The following REXO1 variants were observed in gnomAD, a reference collection of about 807,000 sequenced individuals.
The protein encoded by REXO1 is RNA exonuclease 1 homolog, also known as REX1, RNA exonuclease 1 homolog.
Under a neutral mutation model 102.6 loss-of-function variants are expected in REXO1, and 42 were observed. The observed-to-expected ratio is 0.41, with a 90% confidence interval of 0.32 to 0.53. The LOEUF (loss-of-function observed/expected upper bound fraction) is 0.53, where lower values mean the gene tolerates loss of function less well. Ranked by LOEUF, REXO1 falls within the 20% of genes least tolerant of loss-of-function variation. The pLI is 0.27. For synonymous variants in REXO1, 908 were observed against 779.1 expected (o/e 1.17, Z -2.76); for missense variants, 1,819 against 1,732.5 (o/e 1.05, Z -0.89).
At chr19:1,819,439 A>G (rs2069468308) in intron 7 of REXO1, among the ~76,000 whole-genome samples, 1 of 150,356 alleles carries the variant, frequency 6.7e-6, no homozygotes, top group South Asian at 2.1e-4. Context: ...CGGGGGATCT[A>G]ATGGCTTTCG....
In REXO1 at chr19:1,815,704, C is replaced by T. The variant is rs1170325064; in HGVS notation, c.*362G>A. On this transcript the variant is annotated 3_prime_UTR_variant, in exon 16 of 16. Coordinates refer to ENST00000170168, the MANE Select transcript of REXO1 (RefSeq NM_020695.4). The surrounding 1 kb of genome is among the most constrained non-coding windows in gnomAD (Gnocchi z 4.0). ...CTCAAACAAACCTGGGACAAGCCCG[C>T]CCCGCGACCCACGTGAGGAGCAGAG... The T allele has an allele frequency of 1.5e-6, 2 of 1,359,394 alleles. No homozygotes were observed. Among genetic ancestry groups the T allele is most frequent in the South Asian group, 1.5e-5 (1 of 65,588 alleles). 84.2% of individuals were successfully genotyped at this position (1,359,394 alleles called of 1,614,324 possible). A position where few individuals can be genotyped will look rare whatever the true frequency, so the allele number is the denominator to read the frequency against.
intron 1 of REXO1, among the ~76,000 whole-genome samples, chr19:1,836,819 G>A (rs2070053779): frequency 1.3e-5 from 2 of 151,952 alleles, no homozygotes; most frequent in Non-Finnish European, 2.9e-5. Flanking sequence ...GGGCCCGCAG[G>A]GCTCTCAACG....
At position 1,815,862 on chromosome 19, in the gene REXO1, G is replaced by A; in HGVS notation, c.*204C>T. 1 of 1,523,968 alleles carries A rather than the reference G, an allele frequency of 6.6e-7. No individual in the cohort carries two copies. Among genetic ancestry groups the A allele is most frequent in the East Asian group, 2.5e-5 (1 of 40,630 alleles). The allele number at this position is 1,523,968 out of a possible 1,614,324, so 94.4% of individuals were successfully genotyped here. On this transcript the variant is annotated 3_prime_UTR_variant, in exon 16 of 16. Coordinates refer to ENST00000170168, the MANE Select transcript of REXO1 (RefSeq NM_020695.4). This position sits in a 1 kb window ranked among gnomAD's most constrained non-coding sequence, Gnocchi z 4.0. ...GACGCCAGAGGGCTGGGGGGCAGAG[G>A]GTGGGGACCGGCGGAGGGGTGCGGC...
At chr19:1,848,129 G>A (rs1283298939) in intron 1 of REXO1, 73 bp downstream of exon 1, 4 of 767,578 alleles carry the variant, frequency 5.2e-6, no homozygotes, top group East Asian at 3.5e-5. Flanking sequence ...CGGGGACCCC[G>A]GGCGGGACCG....
Position 1,825,923 on chromosome 19 carries a change from ACTC to A in REXO1, c.1929_1931del (p.Lys643_Ser644delinsAsn). 1.3e-6 allele frequency: 2 copies of A among 1,599,792 alleles called. No individual in the cohort carries two copies. Among genetic ancestry groups the A allele is most frequent in the Non-Finnish European group, 1.7e-6 (2 of 1,175,838 alleles). ...TCAGACCCGAAAGCCCCTTCTCCTC[ACTC>A]TTCTCTTCCTTGGGGGGCTAAGACA... On this transcript the variant is annotated inframe_deletion, in exon 3 of 16. Transcript: ENST00000170168.
In REXO1 at chr19:1,834,380, G is replaced by C. The variant is rs2069982835; in HGVS notation, c.158-5749C>G. Among the ~76,000 whole-genome samples, 3 of 152,164 alleles carry C rather than the reference G, an allele frequency of 2.0e-5. No homozygotes were observed. In the South Asian group the frequency reaches 6.2e-4, roughly 32 times the overall value. On this transcript the variant is annotated intron_variant, in intron 1 of 15. Coordinates refer to ENST00000170168, the MANE Select transcript of REXO1 (RefSeq NM_020695.4). Reference sequence around the variant, plus strand: ...GGACAGGTGATAAGGGTCCAATCTGGGGGACGTGGGCTTGTCTTTCTAACT... The same window carrying C: ...GGACAGGTGATAAGGGTCCAATCTGCGGGACGTGGGCTTGTCTTTCTAACT...
chr19:1,819,100 C>T lies in REXO1; in HGVS notation c.2682G>A (p.Glu894=), dbSNP rs1377922534. Residue 894 remains glutamate (E), a synonymous_variant, in exon 8 of 16, where the codon GAG becomes GAA. Coordinates refer to ENST00000170168, the MANE Select transcript of REXO1 (RefSeq NM_020695.4). ...CGGCCAACCTGCCCCCCAACACCAC[C>T]TCGTGGGACACAACCCTGCGGCCAC... is the stretch of plus-strand genomic sequence containing the variant. ...KTSGRRVVSH[E]VVLGGRLAAK... The T allele has an allele frequency of 6.3e-7, 1 of 1,595,228 alleles. No homozygotes were observed. Among genetic ancestry groups the T allele is most frequent in the Non-Finnish European group, 8.5e-7 (1 of 1,169,986 alleles).
chr19:1,819,920 C>T lies in REXO1; in HGVS notation c.2650+14G>A, dbSNP rs1459491426. Reference sequence around the variant, plus strand: ...GCAACCCTGAGCCTCCCCCGCCCACCCGCCAGGACTCACTGCTGAGGCCGG... The same window carrying T: ...GCAACCCTGAGCCTCCCCCGCCCACTCGCCAGGACTCACTGCTGAGGCCGG... On this transcript the variant is annotated intron_variant, in intron 7 of 15. Coordinates refer to ENST00000170168, the MANE Select transcript of REXO1 (RefSeq NM_020695.4). 1 of 1,553,528 alleles carries T rather than the reference C, an allele frequency of 6.4e-7. No individual in the cohort carries two copies. Among genetic ancestry groups the T allele is most frequent in the Admixed American group, 2.1e-5 (1 of 47,600 alleles).
chr19:1,831,141 C>G (rs1027160088), intron 1 of REXO1, among the ~76,000 whole-genome samples: 1 of 152,192 alleles, frequency 6.6e-6, no homozygotes, highest in Non-Finnish European at 1.5e-5. Context: ...TTATGCTGCA[C>G]CCAACACCAA....
Position 1,816,038 on chromosome 19 carries a change from GGA to G in REXO1, c.*26_*27del, listed in dbSNP as rs1313282607. The G allele has an allele frequency of 6.5e-7, 1 of 1,540,414 alleles. No homozygotes were observed. The highest frequency in any genetic ancestry group is 2.4e-5 in the East Asian group (1 of 40,938). The stretch of plus-strand genomic sequence containing the variant: ...GGGGCTAAGGACCAGCGGGACGGCA[GGA>G]GAGGCGGGTGGGAGGCGGGCAGGCG... On this transcript the variant is annotated 3_prime_UTR_variant, in exon 16 of 16. Transcript: ENST00000170168.
chr19:1,847,136 G>A (rs1262031021), intron 1 of REXO1, among the ~76,000 whole-genome samples: 3 of 152,208 alleles, frequency 2.0e-5, no homozygotes, highest in South Asian at 2.1e-4. Context: ...CTGGGCTGTG[G>A]GGAGCTGACA....
intron 10 of REXO1, 21 bp from the exon 11 acceptor site, chr19:1,817,801 C>T (rs2069415040): frequency 1.2e-6 from 2 of 1,605,172 alleles, no homozygotes; most frequent in Admixed American, 1.7e-5. Flanking sequence ...CACAGACACA[C>T]AGTCAGGGCC....
intron 7 of REXO1, among the ~76,000 whole-genome samples, chr19:1,819,684 G>GC (rs1374715495): frequency 6.6e-6 from 1 of 152,228 alleles, no homozygotes; most frequent in Non-Finnish European, 1.5e-5. Flanking sequence ...TTAGCAGGCG[G>GC]CCCCTCGGCT....
At position 1,826,002 on chromosome 19, in the gene REXO1, C is replaced by A; in HGVS notation, c.1912-59G>T. 1.6e-6 allele frequency: 2 copies of A among 1,289,320 alleles called. No homozygotes were observed. The highest frequency in any genetic ancestry group is 2.3e-5 in the East Asian group (1 of 42,704). 79.9% of individuals were successfully genotyped at this position (1,289,320 alleles called of 1,614,324 possible). On this transcript the variant is annotated intron_variant, in intron 2 of 15. Coordinates refer to ENST00000170168, the MANE Select transcript of REXO1 (RefSeq NM_020695.4). This position sits in a 1 kb window ranked among gnomAD's most constrained non-coding sequence, Gnocchi z 4.3. ...GCCCTCGCTGCCAACACCAACACAC[C>A]CCAACCTCAAACTGCCCCCGGCAAG...
chr19:1,821,810 G>A (rs917448773), intron 4 of REXO1, 128 bp from the exon 5 acceptor site: 1 of 819,050 alleles, frequency 1.2e-6, no homozygotes, highest in African/African-American at 1.7e-5. Context: ...GGCCGGGCCA[G>A]GGTGAGGGGC....
Position 1,820,265 on chromosome 19 carries a change from T to G in REXO1, c.2525A>C (p.Lys842Thr). 1.2e-6 allele frequency: 2 copies of G among 1,612,262 alleles called. No individual in the cohort carries two copies. Among genetic ancestry groups the G allele is most frequent in the Non-Finnish European group, 1.7e-6 (2 of 1,179,180 alleles). ...FCTSNQEAIEKALNEEKVAYD... is the reference protein window; with the variant it reads ...FCTSNQEAIETALNEEKVAYD... The stretch of plus-strand genomic sequence containing the variant: ...CAGATAGGAACTCCAGGACCTCACC[T>G]TCTCTATGGCCTCCTGGTTGGAGGT... The change falls in exon 6 of 16, where the codon AAG becomes ACG. Residue 842 changes from lysine to threonine, a missense_variant and splice_region_variant. Transcript: ENST00000170168.
intron 5 of REXO1, 81 bp from the exon 6 acceptor site, chr19:1,820,476 C>G (rs914483891): frequency 2.6e-6 from 4 of 1,538,122 alleles, no homozygotes; most frequent in South Asian, 2.3e-5. Flanking sequence ...TGAGGCCGTG[C>G]CCATGGCTGG....
At chr19:1,841,540 G>A (rs1013360292) in intron 1 of REXO1, among the ~76,000 whole-genome samples, 2 of 152,224 alleles carry the variant, frequency 1.3e-5, no homozygotes, top group Admixed American at 1.3e-4. Flanking sequence ...AGGCTCAAGG[G>A]GGTAACGCCC....
At position 1,826,855 on chromosome 19, in the gene REXO1, G is replaced by GC; in HGVS notation, c.1911+22dup. 6.4e-7 allele frequency: 1 copy of GC among 1,559,070 alleles called. No individual in the cohort carries two copies. Among genetic ancestry groups the GC allele is most frequent in the East Asian group, 2.4e-5 (1 of 42,120 alleles). ...TCGGCTCTGCCTCTGCCCGAGCCCA[G>GC]CCCCAGCACCCGCGCGCCTCACCTG... On this transcript the variant is annotated intron_variant, in intron 2 of 15. Coordinates refer to ENST00000170168, the MANE Select transcript of REXO1 (RefSeq NM_020695.4). This position sits in a 1 kb window ranked among gnomAD's most constrained non-coding sequence, Gnocchi z 4.3.
Sources: allele counts gnomAD v4.1 joint callset (sites outside exome capture counted in the v4.1 genomes callset), GRCh38; gene constraint gnomAD v4.1.1; non-coding constraint Gnocchi (gnomAD v3.1); transcripts MANE v1.5; gene names NCBI Gene and HGNC (gene_info 2026-07-23, HGNC 2026-07-21).